The following SDK1 variants were observed in gnomAD, a reference collection of about 807,000 sequenced individuals.
The protein encoded by SDK1 is sidekick cell adhesion molecule 1.
SDK1 carries 157 observed loss-of-function variants against 245.5 expected under a neutral mutation model. The ratio of observed to expected loss-of-function variants is 0.64; its 90% CI spans 0.56 to 0.73. SDK1 has a LOEUF of 0.73. SDK1 is among the 30% of genes least tolerant of loss of function. SDK1 has a pLI of 0.00. For missense variants in SDK1, 3,583 were observed against 3,002.3 expected, an observed-to-expected ratio of 1.19 and a Z score of -4.52; for synonymous variants, 1,647 against 1,278.5, an observed-to-expected ratio of 1.29 and a Z score of -6.15.
chr7:3,595,035 A>AGATG (rs1411249519), intron 1 of SDK1, among the ~76,000 whole-genome samples: 1 of 152,212 alleles, frequency 6.6e-6, no homozygotes, highest in Non-Finnish European at 1.5e-5. Flanking sequence ...GTGATTGGAA[A>AGATG]GATGGAAAAT....
Position 4,012,200 on chromosome 7 carries a change from A to G in SDK1, c.2385A>G (p.Thr795=), listed in dbSNP as rs1786031429. 6.4e-7 allele frequency: 1 copy of G among 1,564,704 alleles called. No individual in the cohort carries two copies. Among genetic ancestry groups the G allele is most frequent in the African/African-American group, 1.4e-5 (1 of 72,230 alleles). ...TCCAGTGGCAGCCACCCCCAGAAAC[A>G]GAGCACAACGGGGTGTTGCGTGGAT... The part of the protein sequence containing the change: ...IMVQWQPPPE[T]EHNGVLRGYI... The change falls in exon 16 of 45, where the codon ACA becomes ACG. Residue 795 remains threonine, a synonymous_variant. Coordinates refer to ENST00000404826, the MANE Select transcript of SDK1 (RefSeq NM_152744.4).
At chr7:4,072,232 G>A (rs1780298529) in intron 20 of SDK1, among the ~76,000 whole-genome samples, 1 of 152,198 alleles carries the variant, frequency 6.6e-6, no homozygotes, top group Admixed American at 6.5e-5. Flanking sequence ...GCCTGGGTTT[G>A]GAGGTGCCTG....
intron 5 of SDK1, among the ~76,000 whole-genome samples, chr7:3,856,971 G>A (rs924832430): frequency 6.6e-6 from 1 of 152,080 alleles, no homozygotes; most frequent in Non-Finnish European, 1.5e-5. Flanking sequence ...TGAAAAGGAA[G>A]GCTCTACCAA....
chr7:3,886,881 A>C (rs941186900), intron 5 of SDK1, among the ~76,000 whole-genome samples: 1 of 152,196 alleles, frequency 6.6e-6, no homozygotes, highest in East Asian at 1.9e-4. Flanking sequence ...ACACTACTGC[A>C]CACCAACCTG....
At chr7:3,645,736 G>A (rs1232488315) in intron 4 of SDK1, among the ~76,000 whole-genome samples, 1 of 152,138 alleles carries the variant, frequency 6.6e-6, no homozygotes, top group Admixed American at 6.5e-5. Flanking sequence ...GGGATTGGTA[G>A]CACAAGTCAG....
intron 4 of SDK1, among the ~76,000 whole-genome samples, chr7:3,682,623 T>C (rs1419540091): frequency 5.4e-5 from 1 of 18,382 alleles, no homozygotes; most frequent in African/African-American, 2.0e-4. Flanking sequence ...CTTGAGAATT[T>C]TTTTCTTTTT....
intron 35 of SDK1, among the ~76,000 whole-genome samples, chr7:4,190,880 C>T (rs966394559): frequency 1.3e-5 from 2 of 152,220 alleles, no homozygotes; most frequent in Non-Finnish European, 2.9e-5. Flanking sequence ...TTGACACCAG[C>T]CTCATCAATG....
At chr7:3,311,474 G>A (rs868297622) in intron 1 of SDK1, among the ~76,000 whole-genome samples, 1 of 152,088 alleles carries the variant, frequency 6.6e-6, no homozygotes, top group East Asian at 1.9e-4. Flanking sequence ...TTGTTCTATT[G>A]AAATTCTCAA....
At chr7:4,029,218 T>C (rs1415315999) in intron 17 of SDK1, among the ~76,000 whole-genome samples, 2 of 124,814 alleles carry the variant, frequency 1.6e-5, no homozygotes, top group Non-Finnish European at 3.1e-5. Context: ...TTCTTTCTTT[T>C]TTTTTTTTTT....
intron 4 of SDK1, among the ~76,000 whole-genome samples, chr7:3,700,082 T>A (rs1374258385): frequency 6.6e-6 from 1 of 152,214 alleles, no homozygotes; most frequent in Non-Finnish European, 1.5e-5. Flanking sequence ...AACTGTCAAC[T>A]GCTAATTTTA....
chr7:3,926,661 G>T (rs1011227771), intron 5 of SDK1, among the ~76,000 whole-genome samples: 5 of 152,094 alleles, frequency 3.3e-5, no homozygotes, highest in African/African-American at 9.7e-5. Flanking sequence ...TTGCAGGTGT[G>T]AGCCACCGTG....
intron 1 of SDK1, among the ~76,000 whole-genome samples, chr7:3,458,455 T>A (rs2128594019): frequency 6.6e-6 from 1 of 152,204 alleles, no homozygotes; most frequent in East Asian, 1.9e-4. Flanking sequence ...GTCTCCTGGA[T>A]TTATCTTCAA....
In SDK1 at chr7:4,026,293, C is replaced by T. The variant is rs1583867255; in HGVS notation, c.2602+8941C>T. Among the ~76,000 whole-genome samples the T allele has an allele frequency of 6.6e-6, 1 of 152,226 alleles. No individual in the cohort carries two copies. Among genetic ancestry groups the T allele is most frequent in the African/African-American group, 2.4e-5 (1 of 41,458 alleles). On this transcript the variant is annotated intron_variant, in intron 17 of 44. Transcript: ENST00000404826. This position sits in a 1 kb window ranked among gnomAD's most constrained non-coding sequence, Gnocchi z 4.1. Reference sequence around the variant, plus strand: ...GGAAGAGACACCAAGTCGGCAGGAGCCCAAGCGAGTGGCCAGAGCTTCCAC... The same window carrying T: ...GGAAGAGACACCAAGTCGGCAGGAGTCCAAGCGAGTGGCCAGAGCTTCCAC...
intron 1 of SDK1, among the ~76,000 whole-genome samples, chr7:3,598,505 T>C (rs145551324): frequency 7.2e-4 from 109 of 152,298 alleles, no homozygotes; most frequent in African/African-American, 2.4e-3. Context: ...GTTACAAAAG[T>C]ATAATACGGT....
At chr7:3,511,913 C>T (rs1212553225) in intron 1 of SDK1, among the ~76,000 whole-genome samples, 1 of 149,170 alleles carries the variant, frequency 6.7e-6, no homozygotes, top group Non-Finnish European at 1.5e-5. Flanking sequence ...TCCATGATCA[C>T]CATCCCCCAC....
chr7:4,192,991 CTATA>C (rs1232153925), intron 35 of SDK1, among the ~76,000 whole-genome samples: 2 of 141,170 alleles, frequency 1.4e-5, no homozygotes, highest in Non-Finnish European at 3.0e-5. Context: ...AACCAATAGG[CTATA>C]TATAAATATA....
intron 2 of SDK1, among the ~76,000 whole-genome samples, chr7:3,631,602 C>G (rs1583248861): frequency 6.6e-6 from 1 of 152,200 alleles, no homozygotes; most frequent in Non-Finnish European, 1.5e-5. Context: ...ATTCTCCCCA[C>G]AAAGTTGAGT....
chr7:3,992,677 C>T (rs1252137165), intron 14 of SDK1, among the ~76,000 whole-genome samples: 2 of 152,130 alleles, frequency 1.3e-5, no homozygotes, highest in East Asian at 3.9e-4. Flanking sequence ...TGGAGGGAGA[C>T]TGTCAGGTAA....
At chr7:3,466,770 A>G (rs1190343433) in intron 1 of SDK1, among the ~76,000 whole-genome samples, 1 of 150,348 alleles carries the variant, frequency 6.7e-6, no homozygotes. Context: ...ATCTCCCCCC[A>G]CCCCTTCTCT....
Sources: allele counts gnomAD v4.1 joint callset (sites outside exome capture counted in the v4.1 genomes callset), GRCh38; gene constraint gnomAD v4.1.1; non-coding constraint Gnocchi (gnomAD v3.1); transcripts MANE v1.5; gene names NCBI Gene and HGNC (gene_info 2026-07-23, HGNC 2026-07-21).